ARAP2: variants seen among roughly 807,000 people sequenced by gnomAD.
ARAP2 encodes ArfGAP with RhoGAP domain, ankyrin repeat and PH domain 2, also known as arf-GAP with Rho-GAP domain, ANK repeat and PH domain-containing protein 2.
A neutral mutation model predicts 194.5 loss-of-function variants in ARAP2; 148 were observed. The ratio of observed to expected loss-of-function variants is 0.76; its 90% CI spans 0.67 to 0.87. The LOEUF (loss-of-function observed/expected upper bound fraction) is 0.87. Among genes scored for constraint, ARAP2 ranks in the 40% least tolerant of loss-of-function variants. ARAP2 has a pLI of 0.00. For missense variants in ARAP2, 2,128 were observed against 1,989.7 expected (o/e 1.07, Z -1.32); for synonymous variants, 695 against 683.5 (o/e 1.02, Z -0.26).
chr4:36,223,388 T>C (rs912975323), intron 2 of ARAP2, among the ~76,000 whole-genome samples: 5 of 152,054 alleles, frequency 3.3e-5, no homozygotes, highest in East Asian at 1.9e-4. Flanking sequence ...AATCAGTAAA[T>C]AGAGGAAATC....
chr4:36,187,164 C>T (rs1359325356), intron 8 of ARAP2, among the ~76,000 whole-genome samples: 9 of 152,126 alleles, frequency 5.9e-5, no homozygotes, highest in Admixed American at 1.3e-4. Flanking sequence ...GTTAGCTCCA[C>T]GAAAGCAGAG....
chr4:36,235,241 G>T (rs1204350788), intron 1 of ARAP2, among the ~76,000 whole-genome samples: 1 of 151,960 alleles, frequency 6.6e-6, no homozygotes, highest in Non-Finnish European at 1.5e-5. Context: ...TCACTACAGG[G>T]GCCAGAACAA....
intron 19 of ARAP2, among the ~76,000 whole-genome samples, chr4:36,134,592 T>C (rs75265782): frequency 0.013 from 1,899 of 151,834 alleles, 14 homozygotes; most frequent in Non-Finnish European, 0.019. Flanking sequence ...GCAAAGCTAA[T>C]GACATCACTT....
intron 32 of ARAP2, among the ~76,000 whole-genome samples, chr4:36,071,111 A>T (rs1332436779): frequency 3.9e-5 from 6 of 152,224 alleles, no homozygotes; most frequent in African/African-American, 1.2e-4. Flanking sequence ...TATTGCTGTT[A>T]AAATAGCAAT....
intron 21 of ARAP2, among the ~76,000 whole-genome samples, chr4:36,126,369 A>G (rs1267205289): frequency 6.6e-6 from 1 of 152,054 alleles, no homozygotes; most frequent in Non-Finnish European, 1.5e-5. Flanking sequence ...TTTTCAAAAT[A>G]AAGCTAAATA....
rs1754221967 is a variant in ARAP2, at chr4:36,244,337, C to A, written c.-318G>T. 1 of 151,662 alleles carries A rather than the reference C, an allele frequency of 6.6e-6. No homozygotes were observed. Among genetic ancestry groups the A allele is most frequent in the Non-Finnish European group, 1.5e-5 (1 of 67,840 alleles). 9.4% of individuals were successfully genotyped at this position (151,662 alleles called of 1,614,324 possible). On this transcript the variant is annotated 5_prime_UTR_variant, in exon 1 of 33. Transcript: ENST00000303965. ...CCCCGCCGGCTGTCCGCAGTCGCCT[C>A]TGCTGCCTGGCGGCGGCCGCGCGGG...
At chr4:36,085,676 CTATT>C (rs1177777145) in intron 28 of ARAP2, among the ~76,000 whole-genome samples, 4 of 152,060 alleles carry the variant, frequency 2.6e-5, no homozygotes, top group Admixed American at 6.6e-5. Context: ...TTATTCTTAT[CTATT>C]TATCCTTTGA....
At chr4:36,165,352 T>C (rs537524218) in intron 10 of ARAP2, among the ~76,000 whole-genome samples, 2 of 152,178 alleles carry the variant, frequency 1.3e-5, no homozygotes, top group Non-Finnish European at 2.9e-5. Context: ...AACATACACA[T>C]TTTCTAAACA....
intron 26 of ARAP2, among the ~76,000 whole-genome samples, chr4:36,108,484 GTC>G (rs1262995397): frequency 9.2e-5 from 14 of 151,970 alleles, no homozygotes; most frequent in South Asian, 4.1e-4. Flanking sequence ...GTACTGAAGA[GTC>G]TATATTTAAC....
rs1485120250 is a variant in ARAP2, at chr4:36,067,985, T to G, written c.5037A>C (p.Val1679=). 6.2e-7 allele frequency: 1 copy of G among 1,614,156 alleles called. No homozygotes were observed. The highest frequency in any genetic ancestry group is 2.2e-5 in the East Asian group (1 of 44,876). The change falls in exon 33 of 33, where the codon GTA becomes GTC. Residue 1679 remains valine, a synonymous_variant. Coordinates refer to ENST00000303965, the MANE Select transcript of ARAP2 (RefSeq NM_015230.4). Reference sequence around the variant, plus strand: ...GTAGAACCACATTAAGTTCTTCAATTACCCTTGATGGTAACTTATGATCAG... The same window carrying G: ...GTAGAACCACATTAAGTTCTTCAATGACCCTTGATGGTAACTTATGATCAG... ...LDSDHKLPSR[V]IEELNVVLQR...
chr4:36,016,015 A>G (rs1715722925), intron 6 of ARAP2: 2 of 152,168 alleles, frequency 1.3e-5, no homozygotes, highest in Admixed American at 1.3e-4. Context: ...AAATCACAGC[A>G]TTGTCTGTAA....
intron 15 of ARAP2, chr4:36,157,486 G>A (rs1247486853): frequency 6.6e-6 from 1 of 152,070 alleles, no homozygotes; most frequent in African/African-American, 2.4e-5. Flanking sequence ...TAATTCAAAG[G>A]ATAAAAATGC....
chr4:36,211,686 T>C (rs1746788945), intron 5 of ARAP2, among the ~76,000 whole-genome samples: 1 of 152,078 alleles, frequency 6.6e-6, no homozygotes, highest in Non-Finnish European at 1.5e-5. Context: ...AAAATGAATG[T>C]CCCACTAAAA....
intron 28 of ARAP2, among the ~76,000 whole-genome samples, chr4:36,083,655 G>A (rs1730135430): frequency 6.6e-6 from 1 of 152,116 alleles, no homozygotes; most frequent in African/African-American, 2.4e-5. Context: ...TATTAATAAT[G>A]TTGGATATAT....
Position 36,228,858 on chromosome 4 carries a change from G to C in ARAP2, c.629C>G (p.Pro210Arg). 6.2e-7 allele frequency: 1 copy of C among 1,614,144 alleles called. No individual in the cohort carries two copies. Among genetic ancestry groups the C allele is most frequent in the South Asian group, 1.1e-5 (1 of 91,078 alleles). Residue 210 changes from proline (P) to arginine (R), a missense_variant, in exon 2 of 33, where the codon CCT becomes CGT. Pro to Arg is a moderately radical substitution (Grantham distance 103, BLOSUM62 -2). Coordinates refer to ENST00000303965, the MANE Select transcript of ARAP2 (RefSeq NM_015230.4). ...KLITENLSKL[P>R]NADSECLSFV... ...AGAAAGGCATTCAGAGTCTGCATTA[G>C]GGAGCTTACTGAGATTTTCTGTGAT...
chr4:36,054,781 T>A (rs1048824107), intron 2 of ARAP2, among the ~76,000 whole-genome samples: 1 of 152,226 alleles, frequency 6.6e-6, no homozygotes, highest in African/African-American at 2.4e-5. Flanking sequence ...TACTTTTCAC[T>A]AAGTGTAAAG....
chr4:36,164,940 C>T lies in ARAP2; in HGVS notation c.2147G>A (p.Cys716Tyr). The T allele has an allele frequency of 6.2e-7, 1 of 1,614,104 alleles. No homozygotes were observed. Among genetic ancestry groups the T allele is most frequent in the Non-Finnish European group, 8.5e-7 (1 of 1,179,952 alleles). ...TGCACACTTCTTACAGATGACAACACAGAGATTGATGGATGCCCAGTCAGG... is the reference window on the plus strand; with the variant it reads ...TGCACACTTCTTACAGATGACAACATAGAGATTGATGGATGCCCAGTCAGG... ...PDPDWASINL[C>Y]VVICKKCAGQ... The change falls in exon 11 of 33, where the codon TGT becomes TAT. Residue 716 changes from cysteine to tyrosine, a missense_variant. Coordinates refer to ENST00000303965, the MANE Select transcript of ARAP2 (RefSeq NM_015230.4).
At chr4:36,064,138 G>T (rs1432472820), downstream of ARAP2, among the ~76,000 whole-genome samples, 4 of 151,628 alleles carry the variant, frequency 2.6e-5, no homozygotes, top group African/African-American at 4.8e-5. Context: ...TTAATTTTAG[G>T]GCTACAGAAA....
At chr4:36,180,028 T>C (rs568392989) in intron 8 of ARAP2, among the ~76,000 whole-genome samples, 1 of 152,310 alleles carries the variant, frequency 6.6e-6, no homozygotes, top group East Asian at 1.9e-4. Flanking sequence ...ATCCCAGCAC[T>C]CTGGGAGGCC....
Sources: gnomAD v4.1 joint callset for allele counts (sites outside exome capture counted in the v4.1 genomes callset) on GRCh38, gnomAD v4.1.1 for gene constraint, MANE v1.5 for transcripts, NCBI Gene and HGNC (gene_info 2026-07-23, HGNC 2026-07-21) for gene names.